The following IQSEC1 variants were observed in gnomAD, a reference collection of about 807,000 sequenced individuals.
IQSEC1 encodes the protein IQ motif and Sec7 domain ArfGEF 1.
In IQSEC1, 31 loss-of-function variants were observed where a neutral mutation model predicts 91.0. The observed-to-expected ratio is 0.34, with a 90% CI of 0.26 to 0.46. The LOEUF is 0.46. Ranked by LOEUF, IQSEC1 falls within the 20% of genes least tolerant of loss-of-function variation. IQSEC1 has a pLI of 1.00. For synonymous variants in IQSEC1, 699 were observed against 662.6 expected, an observed-to-expected ratio of 1.05 and a Z score of -0.84; for missense variants, 1,388 against 1,575.6, an observed-to-expected ratio of 0.88 and a Z score of 2.02.
At chr3:13,035,750 T>G (rs1426149285) in intron 1 of IQSEC1, among the ~76,000 whole-genome samples, 1 of 152,234 alleles carries the variant, frequency 6.6e-6, no homozygotes, top group Non-Finnish European at 1.5e-5. Context: ...CACCATGGGC[T>G]TGGGCAGCAC....
chr3:13,199,957 CAT>C (rs538810531), intron 1 of IQSEC1, among the ~76,000 whole-genome samples: 39 of 149,486 alleles, frequency 2.6e-4, no homozygotes, highest in African/African-American at 9.4e-4. Flanking sequence ...ACCATACACA[CAT>C]ACACATACAC....
chr3:12,934,756 T>C (rs1250827408), intron 3 of IQSEC1, among the ~76,000 whole-genome samples: 1 of 152,116 alleles, frequency 6.6e-6, no homozygotes, highest in African/African-American at 2.4e-5. Flanking sequence ...TAAATACCCA[T>C]CGCTCCTTGG....
chr3:13,241,405 C>T lies in IQSEC1; in HGVS notation c.272+41306G>A, dbSNP rs192371863. 1.8e-4 allele frequency among the ~76,000 whole-genome samples: 27 copies of T among 152,328 alleles called. 2 individuals are homozygous for T. The East Asian group carries it at 4.8e-3, about 27-fold the overall frequency. ...CACAGGCTGCCCTGGAGCAATTTTC[C>T]TTCTCCATTTTCTACGCCTGGGAGC... On this transcript the variant is annotated intron_variant, in intron 1 of 15. Transcript: ENST00000648114.
chr3:13,261,008 C>T (rs1320404051), intron 1 of IQSEC1, among the ~76,000 whole-genome samples: 3 of 152,164 alleles, frequency 2.0e-5, no homozygotes, highest in South Asian at 2.1e-4. Context: ...CTTCCCTGAC[C>T]GACGGCCTCA....
At chr3:13,257,834 G>A (rs963667784) in intron 1 of IQSEC1, among the ~76,000 whole-genome samples, 7 of 152,224 alleles carry the variant, frequency 4.6e-5, no homozygotes, top group South Asian at 2.1e-4. Flanking sequence ...TTACTTAAGG[G>A]AGCTGAAAAT....
chr3:13,076,098 T>A (rs186907162), upstream of IQSEC1, among the ~76,000 whole-genome samples: 1 of 152,220 alleles, frequency 6.6e-6, no homozygotes, highest in South Asian at 2.1e-4. Flanking sequence ...TTCCTCACTT[T>A]CGCAGTTGTA....
intron 1 of IQSEC1, among the ~76,000 whole-genome samples, chr3:12,959,533 T>C (rs1198260570): frequency 6.6e-6 from 1 of 152,152 alleles, no homozygotes; most frequent in Middle Eastern, 3.2e-3. Context: ...ACACAGGGCA[T>C]CCCAAATGGG....
At chr3:13,074,419 C>G (rs1705529486), upstream of IQSEC1, among the ~76,000 whole-genome samples, 1 of 152,204 alleles carries the variant, frequency 6.6e-6, no homozygotes, top group Non-Finnish European at 1.5e-5. Context: ...GCCTTTCCCA[C>G]ACAGATTTCT....
At chr3:12,920,363 G>T in intron 6 of IQSEC1, 67 bp downstream of exon 6, 1 of 1,541,030 alleles carries the variant, frequency 6.5e-7, no homozygotes, top group South Asian at 1.1e-5. Flanking sequence ...CTTACATCTG[G>T]GGAGGGCCTG....
chr3:13,154,059 C>G (rs1255247643), intron 2 of IQSEC1, among the ~76,000 whole-genome samples: 3 of 152,106 alleles, frequency 2.0e-5, no homozygotes, highest in Admixed American at 6.5e-5. Flanking sequence ...GACAGCAGCA[C>G]TGGGTGACCA....
chr3:13,245,915 C>T (rs1006662574), intron 1 of IQSEC1, among the ~76,000 whole-genome samples: 12 of 152,088 alleles, frequency 7.9e-5, no homozygotes, highest in South Asian at 2.1e-4. Flanking sequence ...GGCACACTGC[C>T]GGGGAACCCA....
chr3:13,141,841 G>A (rs866778115), intron 2 of IQSEC1, among the ~76,000 whole-genome samples: 8 of 152,216 alleles, frequency 5.3e-5, no homozygotes, highest in African/African-American at 1.2e-4. Context: ...CCATGGAACC[G>A]TCACTTCATC....
intron 2 of IQSEC1, among the ~76,000 whole-genome samples, chr3:13,111,072 A>G (rs1706237422): frequency 6.6e-6 from 1 of 152,190 alleles, no homozygotes; most frequent in African/African-American, 2.4e-5. Context: ...TGCGCCAGAG[A>G]GTGCTCATGC....
chr3:13,107,862 C>T (rs1706177536), intron 2 of IQSEC1, among the ~76,000 whole-genome samples: 1 of 152,266 alleles, frequency 6.6e-6, no homozygotes, highest in African/African-American at 2.4e-5. Context: ...CAGCGGCCTG[C>T]TCCCTCCCCA....
intron 10 of IQSEC1, 97 bp downstream of exon 10, chr3:12,911,532 G>A (rs776170019): frequency 2.5e-5 from 22 of 886,722 alleles, no homozygotes; most frequent in Non-Finnish European, 3.4e-5. Flanking sequence ...AGGGGTGAGC[G>A]TCGAAGCCCC....
chr3:12,943,850 C>G (rs1698982269), intron 1 of IQSEC1, among the ~76,000 whole-genome samples: 1 of 152,250 alleles, frequency 6.6e-6, no homozygotes, highest in Non-Finnish European at 1.5e-5. Flanking sequence ...GCTGCCAATT[C>G]TGCCCTGAGC....
intron 2 of IQSEC1, among the ~76,000 whole-genome samples, chr3:13,094,211 G>C (rs1705917250): frequency 6.6e-6 from 1 of 152,346 alleles, no homozygotes; most frequent in African/African-American, 2.4e-5. Flanking sequence ...TGCTGTGGGA[G>C]TTCTAGGATG....
At chr3:12,942,843 C>T (rs987937147) in intron 1 of IQSEC1, among the ~76,000 whole-genome samples, 7 of 152,266 alleles carry the variant, frequency 4.6e-5, no homozygotes, top group East Asian at 1.9e-4. Context: ...AGGCCACGGA[C>T]GCGCACAGAG....
At chr3:13,240,971 A>G (rs1199328046) in intron 1 of IQSEC1, among the ~76,000 whole-genome samples, 1 of 152,180 alleles carries the variant, frequency 6.6e-6, no homozygotes, top group Admixed American at 6.5e-5. Context: ...TAAGTGATCA[A>G]CTTCAGCAGC....
Sources: gnomAD v4.1 joint callset for allele counts (sites outside exome capture counted in the v4.1 genomes callset) on GRCh38, gnomAD v4.1.1 for gene constraint, MANE v1.5 for transcripts, NCBI Gene and HGNC (gene_info 2026-07-23, HGNC 2026-07-21) for gene names.